Variants in INTS8 observed in about 807,000 individuals in gnomAD.
INTS8 encodes the protein protein kaonashi-1.
A neutral mutation model predicts 138.9 loss-of-function variants in INTS8; 47 were observed. That is an observed-to-expected ratio of 0.34 (90% CI 0.27 to 0.43). The LOEUF (loss-of-function observed/expected upper bound fraction) is 0.43, where lower values mean the gene tolerates loss of function less well. Ranked by LOEUF, INTS8 falls within the 20% of genes least tolerant of loss-of-function variation. INTS8 has a pLI of 1.00. For missense variants in INTS8, 996 were observed against 1,173.0 expected, an observed-to-expected ratio of 0.85 and a Z score of 2.20; for synonymous variants, 392 against 400.9, an observed-to-expected ratio of 0.98 and a Z score of 0.27.
intron 12 of INTS8, among the ~76,000 whole-genome samples, chr8:94,851,319 A>G (rs1815536840): frequency 6.6e-6 from 1 of 152,134 alleles, no homozygotes; most frequent in African/African-American, 2.4e-5. Flanking sequence ...TATTTTCATT[A>G]TCTTTATTTT....
In INTS8 at chr8:94,827,119, A is replaced by G; in HGVS notation, c.306-144A>G. ...GACTCTGTCTCAAAAAAAAGAAAAA[A>G]AAACTTTTTCACATTTGATAGCTAA... On this transcript the variant is annotated intron_variant, in intron 2 of 26. Transcript: ENST00000523731. The G allele has an allele frequency of 4.2e-6, 3 of 718,424 alleles. No individual in the cohort carries two copies. The East Asian group carries it at 8.0e-5, about 19-fold the overall frequency. The allele number at this position is 718,424 out of a possible 1,614,324, so 44.5% of individuals were successfully genotyped here. A position where few individuals can be genotyped will look rare whatever the true frequency, so the allele number is the denominator to read the frequency against.
At chr8:94,834,395 G>GTA (rs1814846584) in intron 6 of INTS8, among the ~76,000 whole-genome samples, 1 of 150,732 alleles carries the variant, frequency 6.6e-6, no homozygotes, top group Non-Finnish European at 1.5e-5. Context: ...GTGTGTGTGT[G>GTA]TGTATTTTTT....
chr8:94,832,285 C>G, intron 6 of INTS8, 111 bp downstream of exon 6: 1 of 722,982 alleles, frequency 1.4e-6, no homozygotes, highest in Non-Finnish European at 2.3e-6. Flanking sequence ...TCTTAAGATG[C>G]TATTAAAACT....
At chr8:94,834,277 A>T (rs1290746260) in intron 6 of INTS8, among the ~76,000 whole-genome samples, 1 of 151,968 alleles carries the variant, frequency 6.6e-6, no homozygotes, top group Non-Finnish European at 1.5e-5. Context: ...AATACTTGAA[A>T]ATATGTTTTT....
chr8:94,845,645 T>G (rs996240512), intron 10 of INTS8, among the ~76,000 whole-genome samples: 2 of 152,104 alleles, frequency 1.3e-5, no homozygotes, highest in Admixed American at 1.3e-4. Context: ...GTATTTTTAG[T>G]AGAGACAGGG....
In INTS8 at chr8:94,881,110, TATAG is replaced by T. The variant is rs1317198481; in HGVS notation, c.*880_*883del. 7.6e-6 allele frequency: 3 copies of T among 396,748 alleles called. No homozygotes were observed. The highest frequency in any genetic ancestry group is 4.4e-5 in the Admixed American group (1 of 22,694). 24.6% of individuals were successfully genotyped at this position (396,748 alleles called of 1,614,324 possible). A position where few individuals can be genotyped will look rare whatever the true frequency, so the allele number is the denominator to read the frequency against. On this transcript the variant is annotated 3_prime_UTR_variant, in exon 27 of 27. Coordinates refer to ENST00000523731, the MANE Select transcript of INTS8 (RefSeq NM_017864.4). ...TTTTATAATAGCTTGCTATAGCAGC[TATAG>T]ATAAATTAGTCACCTTATTACAAAA... is the stretch of plus-strand genomic sequence containing the variant.
chr8:94,867,433 G>A, intron 20 of INTS8, 96 bp downstream of exon 20: 1 of 840,856 alleles, frequency 1.2e-6, no homozygotes, highest in South Asian at 1.6e-5. Flanking sequence ...TTATTAAAGG[G>A]CCAGAAATCT....
rs140625955 is a variant in INTS8 at position 94,823,329 on chromosome 8, G to T, written c.-103G>T. 18 of 1,514,688 alleles carry T rather than the reference G, an allele frequency of 1.2e-5. No individual in the cohort carries two copies. In the African/African-American group the frequency reaches 1.9e-4, roughly 16 times the overall value. The allele number at this position is 1,514,688 out of a possible 1,614,324, so 93.8% of individuals were successfully genotyped here. A position where few individuals can be genotyped will look rare whatever the true frequency, so the allele number is the denominator to read the frequency against. The stretch of plus-strand genomic sequence containing the variant: ...GAGTTTCCGGGACGTTCGGAGGGTG[G>T]CCTCTCTCCCACCGGGTTCCGCATA... On this transcript the variant is annotated 5_prime_UTR_variant, in exon 1 of 27. Coordinates refer to ENST00000523731, the MANE Select transcript of INTS8 (RefSeq NM_017864.4).
At chr8:94,845,069 T>A (rs1292873218) in intron 10 of INTS8, among the ~76,000 whole-genome samples, 1 of 152,174 alleles carries the variant, frequency 6.6e-6, no homozygotes, top group Non-Finnish European at 1.5e-5. Flanking sequence ...TTCTTTATAT[T>A]GTTCCAAAGC....
intron 10 of INTS8, 103 bp downstream of exon 10, chr8:94,842,591 CG>C (rs1157329235): frequency 1.1e-6 from 1 of 911,598 alleles, no homozygotes; most frequent in African/African-American, 1.7e-5. Flanking sequence ...GTCTGCCTTG[CG>C]TTTCTGTGCC....
Position 94,881,299 on chromosome 8 carries a change from A to G in INTS8, c.*1065A>G, listed in dbSNP as rs899709229. On this transcript the variant is annotated 3_prime_UTR_variant, in exon 27 of 27. Transcript: ENST00000523731. The stretch of plus-strand genomic sequence containing the variant: ...TATCCAGTCCAAAACTCCAGTGACA[A>G]AATTCCTAGTTTATCAAGATAAACA... 1.4e-5 allele frequency: 5 copies of G among 360,172 alleles called. No homozygotes were observed. Among genetic ancestry groups the G allele is most frequent in the Non-Finnish European group, 2.5e-5 (5 of 202,500 alleles). The allele number at this position is 360,172 out of a possible 1,614,324, so 22.3% of individuals were successfully genotyped here.
intron 23 of INTS8, 80 bp from the exon 24 acceptor site, chr8:94,875,994 A>T (rs1816552279): frequency 2.2e-6 from 2 of 907,154 alleles, no homozygotes; most frequent in African/African-American, 1.6e-5. Flanking sequence ...TATAAGGCTT[A>T]ATATAAGAGT....
intron 6 of INTS8, among the ~76,000 whole-genome samples, chr8:94,835,269 G>A (rs1002871808): frequency 6.6e-6 from 1 of 152,162 alleles, no homozygotes; most frequent in East Asian, 1.9e-4. Flanking sequence ...CTTTCTGGGC[G>A]TTTGTATTCT....
At chr8:94,840,199 C>T (rs1316030575) in intron 8 of INTS8, among the ~76,000 whole-genome samples, 2 of 152,200 alleles carry the variant, frequency 1.3e-5, no homozygotes, top group African/African-American at 2.4e-5. Flanking sequence ...AGTTGAGCAG[C>T]TGTAACAGGT....
intron 5 of INTS8, among the ~76,000 whole-genome samples, chr8:94,830,504 T>C (rs534579434): frequency 5.9e-5 from 9 of 152,264 alleles, no homozygotes; most frequent in South Asian, 2.1e-4. Context: ...ACAGTGCAAA[T>C]TTTTTCTTTT....
At chr8:94,844,331 G>T (rs1172486869) in intron 10 of INTS8, among the ~76,000 whole-genome samples, 1 of 151,538 alleles carries the variant, frequency 6.6e-6, no homozygotes, top group Non-Finnish European at 1.5e-5. Context: ...GAGCCACCGT[G>T]CCTGGCCAGA....
chr8:94,835,984 G>A (rs1048213661), intron 6 of INTS8, among the ~76,000 whole-genome samples: 1 of 152,216 alleles, frequency 6.6e-6, no homozygotes, highest in African/African-American at 2.4e-5. Flanking sequence ...TATCACGTAA[G>A]TTTTACAGAT....
chr8:94,854,008 T>C lies in INTS8; in HGVS notation c.1752+93T>C, dbSNP rs541786676. On this transcript the variant is annotated intron_variant, in intron 14 of 26. Coordinates refer to ENST00000523731, the MANE Select transcript of INTS8 (RefSeq NM_017864.4). ...CTGTAATACCAGCACTTTGGGAGTC[T>C]GAGGTGGGCAGATCAACTGAGGTCA... is the stretch of plus-strand genomic sequence containing the variant. The C allele has an allele frequency of 7.0e-6, 5 of 716,632 alleles. No individual in the cohort carries two copies. The African/African-American group carries it at 7.0e-5, about 10-fold the overall frequency. The allele number at this position is 716,632 out of a possible 1,614,324, so 44.4% of individuals were successfully genotyped here.
In INTS8 at chr8:94,824,981, T is replaced by A. The variant is rs1814437893; in HGVS notation, c.219T>A (p.Pro73=). ...AACAAAACCAAGTTCAACCTCCGCC[T>A]GATAACAAGAGAAATCGTATTTTAA... ...VNEQNQVQPP[P]DNKRNRILKL... is the part of the protein sequence containing the mutation. Residue 73 remains proline, a synonymous_variant, in exon 2 of 27, where the codon CCT becomes CCA. Coordinates refer to ENST00000523731, the MANE Select transcript of INTS8 (RefSeq NM_017864.4). The A allele has an allele frequency of 2.5e-6, 4 of 1,612,720 alleles. No homozygotes were observed. The highest frequency in any genetic ancestry group is 4.5e-5 in the East Asian group (2 of 44,856).
Sources: gnomAD v4.1 joint callset for allele counts (sites outside exome capture counted in the v4.1 genomes callset) on GRCh38, gnomAD v4.1.1 for gene constraint, MANE v1.5 for transcripts, NCBI Gene and HGNC (gene_info 2026-07-23, HGNC 2026-07-21) for gene names.